Variants in LOXL1 observed in about 807,000 individuals in gnomAD.
LOXL1 encodes lysyl oxidase homolog 1.
Under a neutral mutation model 62.2 loss-of-function variants are expected in LOXL1, and 31 were observed. That is an observed-to-expected ratio of 0.50 (90% CI 0.37 to 0.67). The LOEUF (loss-of-function observed/expected upper bound fraction) is 0.67. LOXL1 is among the 30% of genes least tolerant of loss of function. LOXL1 has a pLI of 0.00. For missense variants in LOXL1, 775 were observed against 843.4 expected (o/e 0.92, Z 1.00); for synonymous variants, 403 against 384.4 (o/e 1.05, Z -0.56).
chr15:73,950,522 G>T (rs572141525), intron 6 of LOXL1, among the ~76,000 whole-genome samples: 2 of 151,910 alleles, frequency 1.3e-5, no homozygotes, highest in Non-Finnish European at 2.9e-5. Flanking sequence ...TGTGACAAGG[G>T]TTAGGACTCA....
intron 6 of LOXL1, among the ~76,000 whole-genome samples, chr15:73,950,772 T>C (rs1402550485): frequency 6.6e-6 from 1 of 152,196 alleles, no homozygotes; most frequent in East Asian, 1.9e-4. Flanking sequence ...GCCAGGCTCA[T>C]TTAGAGACAG....
At chr15:73,939,883 T>A (rs1271352352) in intron 1 of LOXL1, among the ~76,000 whole-genome samples, 1 of 152,110 alleles carries the variant, frequency 6.6e-6, no homozygotes, top group Non-Finnish European at 1.5e-5. Flanking sequence ...GGCCTGAGCC[T>A]CAGTTTCCTC....
chr15:73,942,539 G>A (rs533039524), intron 1 of LOXL1, among the ~76,000 whole-genome samples: 5 of 152,010 alleles, frequency 3.3e-5, no homozygotes, highest in East Asian at 3.9e-4. Context: ...TTTCCCTGCC[G>A]TGGACACCCT....
At chr15:73,950,314 G>T (rs1342299102) in intron 6 of LOXL1, among the ~76,000 whole-genome samples, 1 of 141,600 alleles carries the variant, frequency 7.1e-6, no homozygotes, top group Non-Finnish European at 1.5e-5. Flanking sequence ...AAAAAAATTA[G>T]TCCTAGAGCT....
chr15:73,941,309 C>T (rs1466163623), intron 1 of LOXL1, among the ~76,000 whole-genome samples: 2 of 152,228 alleles, frequency 1.3e-5, no homozygotes, highest in Non-Finnish European at 2.9e-5. Context: ...TAGGTGAGAT[C>T]ACCCTGGCTG....
At chr15:73,928,566 A>G (rs2068610071) in intron 1 of LOXL1, among the ~76,000 whole-genome samples, 1 of 150,036 alleles carries the variant, frequency 6.7e-6, no homozygotes, top group Admixed American at 6.7e-5. Flanking sequence ...GAGATGAGTA[A>G]TATTGAGATG....
intron 6 of LOXL1, among the ~76,000 whole-genome samples, chr15:73,950,479 G>T (rs1031469977): frequency 2.6e-5 from 4 of 152,200 alleles, no homozygotes; most frequent in African/African-American, 9.6e-5. Flanking sequence ...CCAGGGTCAG[G>T]ATTCAGTCTG....
Position 73,937,191 on chromosome 15 carries a change from G to T in LOXL1, c.1103-5663G>T, listed in dbSNP as rs560603579. ...GCAACTCCAGACCCAGCATTGAGCAGGAGGACAGGGTGGGCTTGTCCCGAG... is the reference window on the plus strand; with the variant it reads ...GCAACTCCAGACCCAGCATTGAGCATGAGGACAGGGTGGGCTTGTCCCGAG... On this transcript the variant is annotated intron_variant, in intron 1 of 6. Transcript: ENST00000261921. 2.6e-5 allele frequency among the ~76,000 whole-genome samples: 4 copies of T among 152,356 alleles called. No homozygotes were observed. In the East Asian group the frequency reaches 5.8e-4, roughly 22 times the overall value.
Position 73,951,837 on chromosome 15 carries a change from ATCTCC to A in LOXL1, c.*1_*5del. ...ACTGTCTTTCCTTCCTCAGATCCTG[ATCTCC>A]GGGAGGGACAGATGGCCAATCTCTC... On this transcript the variant is annotated 3_prime_UTR_variant, in exon 7 of 7. Transcript: ENST00000261921. The A allele has an allele frequency of 6.5e-7, 1 of 1,546,232 alleles. No homozygotes were observed. Among genetic ancestry groups the A allele is most frequent in the Non-Finnish European group, 8.8e-7 (1 of 1,142,214 alleles).
chr15:73,940,078 T>C (rs1292688495), intron 1 of LOXL1, among the ~76,000 whole-genome samples: 3 of 152,188 alleles, frequency 2.0e-5, no homozygotes, highest in African/African-American at 4.8e-5. Context: ...GGCCTGCCCA[T>C]AGAATGCCAT....
At position 73,942,874 on chromosome 15, in the gene LOXL1, G is replaced by A; in HGVS notation, c.1123G>A (p.Asp375Asn). The change falls in exon 2 of 7, where the codon GAC becomes AAC. Residue 375 changes from aspartate to asparagine, a missense_variant. Asp to Asn is a conservative substitution (Grantham distance 23). Transcript: ENST00000261921. ...TCCAGGTCTCCCTGACTTGGTCCCA[G>A]ACCCCAACTATGTGCAAGCATCCAC... The part of the protein sequence containing the change: ...NGRGLPDLVP[D>N]PNYVQASTYV... 1 of 1,613,870 alleles carries A rather than the reference G, an allele frequency of 6.2e-7. No homozygotes were observed. Among genetic ancestry groups the A allele is most frequent in the Non-Finnish European group, 8.5e-7 (1 of 1,179,798 alleles).
chr15:73,951,700 C>A, intron 6 of LOXL1, 131 bp from the exon 7 acceptor site: 2 of 765,290 alleles, frequency 2.6e-6, no homozygotes, highest in Middle Eastern at 2.5e-4. Context: ...GGAACTTTCT[C>A]TTGAGGGAAA....
intron 1 of LOXL1, among the ~76,000 whole-genome samples, chr15:73,941,531 G>A (rs910974017): frequency 6.6e-5 from 10 of 152,162 alleles, no homozygotes; most frequent in African/African-American, 2.4e-4. Flanking sequence ...CCCTCCATGG[G>A]ACTCAAGTCC....
chr15:73,951,817 CTT>C lies in LOXL1; in HGVS notation c.1719-12_1719-11del, dbSNP rs1251498079. ...TTGCAGCCCCTCATTGACCCACTGT[CTT>C]TCCTTCCTCAGATCCTGATCTCCGG... On this transcript the variant is annotated splice_polypyrimidine_tract_variant and intron_variant, in intron 6 of 6. Coordinates refer to ENST00000261921, the MANE Select transcript of LOXL1 (RefSeq NM_005576.4). 5.2e-6 allele frequency: 8 copies of C among 1,550,738 alleles called. No individual in the cohort carries two copies. Among genetic ancestry groups the C allele is most frequent in the African/African-American group, 2.8e-5 (2 of 72,034 alleles).
intron 3 of LOXL1, 118 bp downstream of exon 3, chr15:73,946,672 G>A (rs899708789): frequency 1.6e-6 from 2 of 1,229,972 alleles, no homozygotes; most frequent in South Asian, 3.1e-5. Flanking sequence ...TGGATTAGAG[G>A]GCCCGGGGAG....
Position 73,947,849 on chromosome 15 carries a change from G to C in LOXL1, c.1549G>C (p.Asp517His). 6.2e-7 allele frequency: 1 copy of C among 1,613,862 alleles called. No individual in the cohort carries two copies. ...GCYDTYNADI[D>H]CQWIDITDVQ... is the part of the protein sequence containing the mutation. ...CTATGACACCTACAATGCGGACATC[G>C]ACTGCCAGTGGATCGACATAACCGA... Residue 517 changes from aspartate to histidine, a missense_variant, in exon 5 of 7, where the codon GAC becomes CAC. Physicochemically the swap from Asp to His is moderately conservative, Grantham distance 81. Transcript: ENST00000261921.
At position 73,945,833 on chromosome 15, in the gene LOXL1, G is replaced by A. The variant is rs962718623; in HGVS notation, c.1212-584G>A. The stretch of plus-strand genomic sequence containing the variant: ...GGCTCAAGGGATCAGTCTCCAAGTA[G>A]CTGGGACTACAGGCATAAGCCACCT... On this transcript the variant is annotated intron_variant, in intron 2 of 6. Transcript: ENST00000261921. This position sits in a 1 kb window ranked among gnomAD's most constrained non-coding sequence, Gnocchi z 4.3. Among the ~76,000 whole-genome samples the A allele has an allele frequency of 2.6e-5, 4 of 151,934 alleles. No homozygotes were observed. Among genetic ancestry groups the A allele is most frequent in the Non-Finnish European group, 5.9e-5 (4 of 67,986 alleles).
At chr15:73,947,398 C>G in intron 4 of LOXL1, 175 bp downstream of exon 4, 1 of 596,902 alleles carries the variant, frequency 1.7e-6, no homozygotes, top group Non-Finnish European at 2.8e-6. Context: ...GGACTGTTCC[C>G]TCCCTGCCCC....
In LOXL1 at chr15:73,946,408, T is replaced by C. The variant is rs1345821106; in HGVS notation, c.1212-9T>C. On this transcript the variant is annotated splice_polypyrimidine_tract_variant and intron_variant, in intron 2 of 6. Coordinates refer to ENST00000261921, the MANE Select transcript of LOXL1 (RefSeq NM_005576.4). ...CAACCCCCCCTCATCTCCCCCGCCG[T>C]CCCTGCAGCACAGCCTATGCCCCTG... 1 of 1,526,166 alleles carries C rather than the reference T, an allele frequency of 6.6e-7. No individual in the cohort carries two copies. The allele number at this position is 1,526,166 out of a possible 1,614,324, so 94.5% of individuals were successfully genotyped here.
Sources: allele counts gnomAD v4.1 joint callset (sites outside exome capture counted in the v4.1 genomes callset), GRCh38; gene constraint gnomAD v4.1.1; non-coding constraint Gnocchi (gnomAD v3.1); transcripts MANE v1.5; gene names NCBI Gene and HGNC (gene_info 2026-07-23, HGNC 2026-07-21).